The following ZNF525 variants were observed in gnomAD, a reference collection of about 807,000 sequenced individuals.
ZNF525 encodes zinc finger protein 525.
A neutral mutation model predicts 37.6 loss-of-function variants in ZNF525; 33 were observed. The observed-to-expected ratio is 0.88, with a 90% CI of 0.67 to 1.17. The LOEUF (loss-of-function observed/expected upper bound fraction) is 1.17. ZNF525 is among the 50% of genes most tolerant of loss of function. The probability of loss-of-function intolerance (pLI) is 0.00; values close to 1 mark genes in which losing one functional copy is unlikely to be tolerated. For synonymous variants in ZNF525, 170 were observed against 182.3 expected (o/e 0.93, Z 0.54); for missense variants, 449 against 543.1 (o/e 0.83, Z 1.72).
chr19:53,366,777 G>A (rs368483091), intron 1 of ZNF525, among the ~76,000 whole-genome samples: 15,090 of 135,146 alleles, frequency 0.11, 1,164 homozygotes, highest in African/African-American at 0.23. Context: ...CTGGGGATCT[G>A]GGGTGCCAGA....
In ZNF525 at chr19:53,382,648, C is replaced by A. The variant is rs770322531; in HGVS notation, c.*629C>A. On this transcript the variant is annotated 3_prime_UTR_variant, in exon 4 of 4. Transcript: ENST00000474037. ...CAATCCATGGCAGAGGGAAACTTTA[C>A]AAATGTAATGATTGTCACCACGTCT... 5.6e-6 allele frequency: 4 copies of A among 711,486 alleles called. No homozygotes were observed. The highest frequency in any genetic ancestry group is 1.0e-5 in the Non-Finnish European group (4 of 384,488). 44.1% of individuals were successfully genotyped at this position (711,486 alleles called of 1,614,324 possible).
Position 53,382,917 on chromosome 19 carries a change from G to A in ZNF525, c.*898G>A. ...AAACCTTACAAGTGTAATGAGTGTG[G>A]TAAGATGTTCAGTCAAAATTCGGCC... On this transcript the variant is annotated 3_prime_UTR_variant, in exon 4 of 4. Coordinates refer to ENST00000474037, the MANE Select transcript of ZNF525 (RefSeq NM_001348156.2). 6.9e-7 allele frequency: 1 copy of A among 1,453,618 alleles called. No individual in the cohort carries two copies. Among genetic ancestry groups the A allele is most frequent in the Non-Finnish European group, 9.6e-7 (1 of 1,042,132 alleles). The allele number at this position is 1,453,618 out of a possible 1,614,324, so 90.0% of individuals were successfully genotyped here. A position where few individuals can be genotyped will look rare whatever the true frequency, so the allele number is the denominator to read the frequency against.
intron 1 of ZNF525, among the ~76,000 whole-genome samples, chr19:53,370,514 C>T (rs117128240): frequency 1.5e-3 from 230 of 152,070 alleles, no homozygotes; most frequent in Middle Eastern, 0.01. Context: ...CAGTGAGCCT[C>T]CCTGCAACTT....
At chr19:53,374,401 C>T (rs1201938016) in intron 2 of ZNF525, among the ~76,000 whole-genome samples, 1 of 152,150 alleles carries the variant, frequency 6.6e-6, no homozygotes, top group Non-Finnish European at 1.5e-5. Flanking sequence ...ACATGTGGGT[C>T]CTTTGTGATT....
chr19:53,380,095 A>T (rs1035252086), intron 3 of ZNF525, among the ~76,000 whole-genome samples: 24 of 146,290 alleles, frequency 1.6e-4, no homozygotes, highest in South Asian at 8.7e-4. Flanking sequence ...TCAGAAAAAT[A>T]TTTTTTTTTT....
Position 53,386,474 on chromosome 19 carries a change from A to C in ZNF525, c.*4455A>C. 2 of 666,780 alleles carry C rather than the reference A, an allele frequency of 3.0e-6. No individual in the cohort carries two copies. The highest frequency in any genetic ancestry group is 5.5e-5 in the East Asian group (2 of 36,058). 41.3% of individuals were successfully genotyped at this position (666,780 alleles called of 1,614,324 possible). A position where few individuals can be genotyped will look rare whatever the true frequency, so the allele number is the denominator to read the frequency against. ...ATATCAAGCTGAAAATGTCACCACT[A>C]TCTGGACAGTTGGACATGTTTTATT... On this transcript the variant is annotated 3_prime_UTR_variant, in exon 4 of 4. Coordinates refer to ENST00000474037, the MANE Select transcript of ZNF525 (RefSeq NM_001348156.2).
chr19:53,366,557 A>AAC (rs2085446985), intron 1 of ZNF525, among the ~76,000 whole-genome samples: 1 of 149,754 alleles, frequency 6.7e-6, no homozygotes, highest in African/African-American at 2.5e-5. Flanking sequence ...AAAAAAAAAA[A>AAC]GATAAGCAGG....
intron 1 of ZNF525, among the ~76,000 whole-genome samples, chr19:53,367,998 C>A (rs1359849819): frequency 6.6e-6 from 1 of 152,106 alleles, no homozygotes; most frequent in Non-Finnish European, 1.5e-5. Flanking sequence ...CAGTCTGTAT[C>A]TTTCTAATCT....
chr19:53,371,197 G>A (rs1030631652), intron 1 of ZNF525, among the ~76,000 whole-genome samples: 3 of 125,336 alleles, frequency 2.4e-5, no homozygotes, highest in Admixed American at 9.3e-5. Context: ...CATCAGAAAC[G>A]CTTTTTTTTT....
chr19:53,372,394 C>A, intron 2 of ZNF525, 98 bp downstream of exon 2: 1 of 734,208 alleles, frequency 1.4e-6, no homozygotes. Flanking sequence ...TCCTGCCTGA[C>A]AGGTTTGCTC....
chr19:53,385,245 G>A lies in ZNF525; in HGVS notation c.*3226G>A, dbSNP rs117786849. The A allele has an allele frequency of 3.6e-4, 159 of 446,070 alleles. 1 individual carries two copies. In the East Asian group the frequency reaches 5.7e-3, roughly 16 times the overall value. The allele number at this position is 446,070 out of a possible 1,614,324, so 27.6% of individuals were successfully genotyped here. A position where few individuals can be genotyped will look rare whatever the true frequency, so the allele number is the denominator to read the frequency against. The stretch of plus-strand genomic sequence containing the variant: ...ATTGTGCATGAATTTCACAATTTTT[G>A]CACCAAAATAAACTAGTGCTAGTCT... On this transcript the variant is annotated 3_prime_UTR_variant, in exon 4 of 4. Transcript: ENST00000474037.
chr19:53,386,438 A>T lies in ZNF525; in HGVS notation c.*4419A>T. Reference sequence around the variant, plus strand: ...ATATTTATGCTGTCTGAGCATCACAATCACGTTACCATATCAAGCTGAAAA... The same window carrying T: ...ATATTTATGCTGTCTGAGCATCACATTCACGTTACCATATCAAGCTGAAAA... On this transcript the variant is annotated 3_prime_UTR_variant, in exon 4 of 4. Transcript: ENST00000474037. 1 of 731,960 alleles carries T rather than the reference A, an allele frequency of 1.4e-6. No homozygotes were observed. Among genetic ancestry groups the T allele is most frequent in the Non-Finnish European group, 2.4e-6 (1 of 412,650 alleles). 45.3% of individuals were successfully genotyped at this position (731,960 alleles called of 1,614,324 possible).
intron 3 of ZNF525, among the ~76,000 whole-genome samples, chr19:53,376,959 ACT>A (rs2085526988): frequency 6.6e-6 from 1 of 151,860 alleles, no homozygotes; most frequent in African/African-American, 2.4e-5. Context: ...ACACAGTGAG[ACT>A]CTGTCTCAAA....
chr19:53,373,924 A>G (rs1029750779), intron 2 of ZNF525, among the ~76,000 whole-genome samples: 1 of 152,130 alleles, frequency 6.6e-6, no homozygotes, highest in Non-Finnish European at 1.5e-5. Context: ...GGTTTGTTGT[A>G]CAAATTATTT....
In ZNF525 at chr19:53,384,754, T is replaced by G; in HGVS notation, c.*2735T>G. On this transcript the variant is annotated 3_prime_UTR_variant, in exon 4 of 4. Coordinates refer to ENST00000474037, the MANE Select transcript of ZNF525 (RefSeq NM_001348156.2). ...ACAAACAAATGTAATTTTACTTCTT[T>G]CTTTCTGATTTGGATGAGTTTGATT... The G allele has an allele frequency of 2.1e-6, 1 of 484,230 alleles. No individual in the cohort carries two copies. The highest frequency in any genetic ancestry group is 3.1e-5 in the South Asian group (1 of 32,438). 30.0% of individuals were successfully genotyped at this position (484,230 alleles called of 1,614,324 possible). A position where few individuals can be genotyped will look rare whatever the true frequency, so the allele number is the denominator to read the frequency against.
chr19:53,371,677 G>T (rs2085489127), intron 1 of ZNF525, among the ~76,000 whole-genome samples: 1 of 152,064 alleles, frequency 6.6e-6, no homozygotes, highest in Non-Finnish European at 1.5e-5. Flanking sequence ...CTCAATTTTT[G>T]TATTTTTAGT....
Position 53,375,740 on chromosome 19 carries a change from C to A in ZNF525, c.16-30C>A, listed in dbSNP as rs2085516887. Reference sequence around the variant, plus strand: ...GTAAAGATAAGAACTCCTCCCATAACCATTTGGTTAAAATGTGTTTTCATT... The same window carrying A: ...GTAAAGATAAGAACTCCTCCCATAAACATTTGGTTAAAATGTGTTTTCATT... On this transcript the variant is annotated intron_variant, in intron 2 of 3. Coordinates refer to ENST00000474037, the MANE Select transcript of ZNF525 (RefSeq NM_001348156.2). 1.9e-6 allele frequency: 3 copies of A among 1,613,682 alleles called. No individual in the cohort carries two copies. In the African/African-American group the frequency reaches 4.0e-5, roughly 22 times the overall value.
Position 53,386,193 on chromosome 19 carries a change from T to G in ZNF525, c.*4174T>G. ...AATTGTCAAGTTCCTTCTCTTCCAT[T>G]CTTTGCCATCGTGGTGTGTGCTTGA... On this transcript the variant is annotated 3_prime_UTR_variant, in exon 4 of 4. Coordinates refer to ENST00000474037, the MANE Select transcript of ZNF525 (RefSeq NM_001348156.2). The G allele has an allele frequency of 1.7e-6, 1 of 584,622 alleles. No individual in the cohort carries two copies. Among genetic ancestry groups the G allele is most frequent in the Non-Finnish European group, 3.2e-6 (1 of 313,262 alleles). 36.2% of individuals were successfully genotyped at this position (584,622 alleles called of 1,614,324 possible). A position where few individuals can be genotyped will look rare whatever the true frequency, so the allele number is the denominator to read the frequency against.
rs566684268 is a variant in ZNF525 at position 53,383,102 on chromosome 19, C to T, written c.*1083C>T. On this transcript the variant is annotated 3_prime_UTR_variant, in exon 4 of 4. Transcript: ENST00000474037. ...TAAATGTGGCGAGGTTTTTAATCAACAAGCACACCTTGCACGTCATCATAG... is the reference window on the plus strand; with the variant it reads ...TAAATGTGGCGAGGTTTTTAATCAATAAGCACACCTTGCACGTCATCATAG... The T allele has an allele frequency of 7.4e-7, 1 of 1,344,276 alleles. No individual in the cohort carries two copies. Among genetic ancestry groups the T allele is most frequent in the African/African-American group, 1.4e-5 (1 of 68,992 alleles). The allele number at this position is 1,344,276 out of a possible 1,614,324, so 83.3% of individuals were successfully genotyped here.
Sources: gnomAD v4.1 joint callset for allele counts (sites outside exome capture counted in the v4.1 genomes callset) on GRCh38, gnomAD v4.1.1 for gene constraint, MANE v1.5 for transcripts, NCBI Gene and HGNC (gene_info 2026-07-23, HGNC 2026-07-21) for gene names.